KIAA1217: variants seen among roughly 807,000 people sequenced by gnomAD.
The protein encoded by KIAA1217 is KIAA1217.
A neutral mutation model predicts 163.9 loss-of-function variants in KIAA1217; 88 were observed. That is an observed-to-expected ratio of 0.54 (90% CI 0.45 to 0.64). The LOEUF (loss-of-function observed/expected upper bound fraction) is 0.64. KIAA1217 is among the 30% of genes least tolerant of loss of function. The probability of loss-of-function intolerance (pLI) is 0.00; values close to 1 mark genes in which losing one functional copy is unlikely to be tolerated. For synonymous variants in KIAA1217, 903 were observed against 923.1 expected (o/e 0.98, Z 0.39); for missense variants, 2,372 against 2,475.0 (o/e 0.96, Z 0.88).
intron 2 of KIAA1217, among the ~76,000 whole-genome samples, chr10:24,033,123 T>C (rs1398023228): frequency 1.3e-5 from 2 of 152,230 alleles, no homozygotes; most frequent in Admixed American, 6.5e-5. Context: ...CCTAAATAAT[T>C]TTAAGATTCT....
chr10:24,373,317 C>A (rs956768386), intron 2 of KIAA1217, among the ~76,000 whole-genome samples: 4 of 152,168 alleles, frequency 2.6e-5, no homozygotes, highest in Non-Finnish European at 5.9e-5. Flanking sequence ...TCTGGGAAGT[C>A]ATCCACTCCC....
intron 2 of KIAA1217, among the ~76,000 whole-genome samples, chr10:24,045,411 T>C (rs1355772984): frequency 6.6e-6 from 1 of 152,120 alleles, no homozygotes; most frequent in African/African-American, 2.4e-5. Context: ...TTCTTTCCTA[T>C]CAATTCTTTG....
chr10:23,821,299 G>A (rs1189360791), intron 1 of KIAA1217, among the ~76,000 whole-genome samples: 1 of 152,156 alleles, frequency 6.6e-6, no homozygotes, highest in East Asian at 1.9e-4. Context: ...CTGCCCAACA[G>A]GGTCATGATG....
chr10:23,734,840 A>G (rs571830430), intron 1 of KIAA1217, among the ~76,000 whole-genome samples: 1 of 141,326 alleles, frequency 7.1e-6, no homozygotes, highest in Non-Finnish European at 1.5e-5. Context: ...AGGGGCATAT[A>G]TCAGGCTCGT....
chr10:24,446,430 T>C (rs989800418), intron 5 of KIAA1217, among the ~76,000 whole-genome samples: 1 of 151,444 alleles, frequency 6.6e-6, no homozygotes, highest in African/African-American at 2.4e-5. Flanking sequence ...AGAAAAAGAG[T>C]GAGTTGCCCA....
chr10:24,405,003 C>G lies in KIAA1217; in HGVS notation c.553+23936C>G, dbSNP rs192132401. 4.7e-3 allele frequency among the ~76,000 whole-genome samples: 721 copies of G among 152,248 alleles called. 4 individuals carry two copies. Among genetic ancestry groups the G allele is most frequent in the African/African-American group, 0.016 (665 of 41,530 alleles). On this transcript the variant is annotated intron_variant, in intron 3 of 20. Transcript: ENST00000376454. ...TAGGTGGGAGAGAGGAGTTTGAATA[C>G]AGAGGGGTAGCACTTGGGGGCCTAG...
chr10:24,329,013 ATAAG>A (rs956459144), intron 2 of KIAA1217, among the ~76,000 whole-genome samples: 2 of 149,944 alleles, frequency 1.3e-5, no homozygotes, highest in Admixed American at 6.7e-5. Context: ...TACATAGTAT[ATAAG>A]TAGCACATAG....
chr10:24,371,790 C>T (rs2051689815), intron 2 of KIAA1217, among the ~76,000 whole-genome samples: 1 of 152,322 alleles, frequency 6.6e-6, no homozygotes, highest in South Asian at 2.1e-4. Context: ...AGGAATCCTT[C>T]TGGATTCTAA....
intron 3 of KIAA1217, among the ~76,000 whole-genome samples, chr10:24,432,333 G>C (rs2059668346): frequency 6.6e-6 from 1 of 151,490 alleles, no homozygotes; most frequent in Admixed American, 6.6e-5. Flanking sequence ...GGCCAGACTG[G>C]TCTGAAACTC....
At chr10:24,162,615 T>C (rs2065169743) in intron 2 of KIAA1217, among the ~76,000 whole-genome samples, 1 of 152,232 alleles carries the variant, frequency 6.6e-6, no homozygotes, top group Admixed American at 6.5e-5. Flanking sequence ...ATATTAGTTA[T>C]CTGTTCTGCA....
At chr10:24,492,461 G>A (rs2066276393) in intron 6 of KIAA1217, among the ~76,000 whole-genome samples, 1 of 152,124 alleles carries the variant, frequency 6.6e-6, no homozygotes, top group South Asian at 2.1e-4. Flanking sequence ...CACCGTTTGA[G>A]ATTTCTTATT....
chr10:23,999,905 A>T (rs1009126296), intron 1 of KIAA1217, among the ~76,000 whole-genome samples: 1 of 151,810 alleles, frequency 6.6e-6, no homozygotes, highest in Non-Finnish European at 1.5e-5. Flanking sequence ...ACTAAAAATT[A>T]AAAAAAATAA....
intron 2 of KIAA1217, among the ~76,000 whole-genome samples, chr10:24,283,349 A>G (rs1255385631): frequency 6.6e-6 from 1 of 152,120 alleles, no homozygotes; most frequent in Non-Finnish European, 1.5e-5. Flanking sequence ...TTTGTTGCTT[A>G]AGAACTTTTC....
At chr10:23,959,788 T>C (rs1461810132) in intron 1 of KIAA1217, among the ~76,000 whole-genome samples, 1 of 152,108 alleles carries the variant, frequency 6.6e-6, no homozygotes, top group African/African-American at 2.4e-5. Context: ...CCCTGTTTGT[T>C]CAGATTCTCC....
intron 2 of KIAA1217, among the ~76,000 whole-genome samples, chr10:24,260,845 A>G (rs1488221947): frequency 2.6e-5 from 4 of 152,166 alleles, no homozygotes; most frequent in Non-Finnish European, 4.4e-5. Flanking sequence ...AATTTGTTAA[A>G]TACTGGAAAG....
intron 1 of KIAA1217, among the ~76,000 whole-genome samples, chr10:23,832,278 A>G (rs1376709603): frequency 1.3e-5 from 2 of 152,226 alleles, no homozygotes; most frequent in African/African-American, 4.8e-5. Flanking sequence ...TATAAAGATT[A>G]TAAAAGATGC....
At chr10:24,269,474 T>C (rs1277088889) in intron 2 of KIAA1217, among the ~76,000 whole-genome samples, 1 of 152,124 alleles carries the variant, frequency 6.6e-6, no homozygotes, top group East Asian at 1.9e-4. Flanking sequence ...CTGTGAGCCA[T>C]GACCGTGCCA....
chr10:24,279,936 G>A (rs545697053), intron 2 of KIAA1217, among the ~76,000 whole-genome samples: 12 of 152,180 alleles, frequency 7.9e-5, no homozygotes, highest in Non-Finnish European at 1.5e-4. Flanking sequence ...CTTAAAAACC[G>A]ATTTGAAAAT....
At chr10:24,029,223 C>T (rs1428800517) in intron 2 of KIAA1217, among the ~76,000 whole-genome samples, 1 of 152,134 alleles carries the variant, frequency 6.6e-6, no homozygotes, top group Non-Finnish European at 1.5e-5. Flanking sequence ...AGGACCTCAT[C>T]TGGTTTTGTA....
Sources: gnomAD v4.1 joint callset for allele counts (sites outside exome capture counted in the v4.1 genomes callset) on GRCh38, gnomAD v4.1.1 for gene constraint, MANE v1.5 for transcripts, NCBI Gene and HGNC (gene_info 2026-07-23, HGNC 2026-07-21) for gene names.